The following ATXN1 variants were observed in gnomAD, a reference collection of about 807,000 sequenced individuals.
ATXN1 encodes ataxin 1.
A neutral mutation model predicts 56.4 loss-of-function variants in ATXN1; 8 were observed. That is an observed-to-expected ratio of 0.14 (90% CI 0.08 to 0.26). The LOEUF (loss-of-function observed/expected upper bound fraction) is 0.26. Ranked by LOEUF, ATXN1 falls within the 10% of genes least tolerant of loss-of-function variation. The pLI, the probability that ATXN1 is intolerant of heterozygous loss-of-function variation, is 1.00. For missense variants in ATXN1, 987 were observed against 1,106.5 expected (o/e 0.89, Z 1.53); for synonymous variants, 514 against 494.6 (o/e 1.04, Z -0.52).
intron 4 of ATXN1, among the ~76,000 whole-genome samples, chr6:16,575,303 T>C (rs1762402828): frequency 6.6e-6 from 1 of 152,244 alleles, no homozygotes; most frequent in Non-Finnish European, 1.5e-5. Flanking sequence ...TCGGTGGGAC[T>C]TTCTCGTGGC....
In ATXN1 at chr6:16,605,318, C is replaced by T. The variant is rs187879445; in HGVS notation, c.-488-19411G>A. On this transcript the variant is annotated intron_variant, in intron 3 of 7. Coordinates refer to ENST00000436367, the MANE Select transcript of ATXN1 (RefSeq NM_001128164.2). ...GAATGGACCTTGAGGAGATCCCTTA[C>T]GCCAACGCTTTCACTTCACAGATGT... Among the ~76,000 whole-genome samples, 34 of 152,284 alleles carry T rather than the reference C, an allele frequency of 2.2e-4. No homozygotes were observed. The East Asian group carries it at 6.6e-3, about 29-fold the overall frequency.
At chr6:16,426,605 G>GCA (rs1759160161) in intron 6 of ATXN1, among the ~76,000 whole-genome samples, 1 of 122,920 alleles carries the variant, frequency 8.1e-6, no homozygotes, top group African/African-American at 3.1e-5. Context: ...GTGTGTGTCT[G>GCA]TATGTGTGTG....
At chr6:16,333,473 T>C (rs1761036688) in intron 6 of ATXN1, among the ~76,000 whole-genome samples, 2 of 152,220 alleles carry the variant, frequency 1.3e-5, no homozygotes, top group Non-Finnish European at 2.9e-5. Context: ...AGCAGCCAAC[T>C]GCTCAGAATG....
In ATXN1 at chr6:16,519,462, C is replaced by T. The variant is rs191875972; in HGVS notation, c.-299+3165G>A. 2.8e-3 allele frequency among the ~76,000 whole-genome samples: 432 copies of T among 152,246 alleles called. 2 individuals carry two copies. Among genetic ancestry groups the T allele is most frequent in the African/African-American group, 9.9e-3 (412 of 41,534 alleles). Reference sequence around the variant, plus strand: ...GAAACTGCCTCTCTGGTAAGAGCTCCCAGAAGATGAGAAATGGGTATTGCA... The same window carrying T: ...GAAACTGCCTCTCTGGTAAGAGCTCTCAGAAGATGAGAAATGGGTATTGCA... On this transcript the variant is annotated intron_variant, in intron 5 of 7. Coordinates refer to ENST00000436367, the MANE Select transcript of ATXN1 (RefSeq NM_001128164.2).
chr6:16,604,646 T>C (rs1444086617), intron 3 of ATXN1, among the ~76,000 whole-genome samples: 3 of 148,846 alleles, frequency 2.0e-5, no homozygotes, highest in Non-Finnish European at 4.4e-5. Flanking sequence ...AGTGCAGTGG[T>C]ACAATCAGAG....
chr6:16,591,245 C>T (rs1381056640), intron 3 of ATXN1, among the ~76,000 whole-genome samples: 1 of 152,294 alleles, frequency 6.6e-6, no homozygotes, highest in South Asian at 2.1e-4. Context: ...GTGTGAGCCA[C>T]AGTGCCCAGC....
At chr6:16,361,928 A>C (rs1349685730) in intron 6 of ATXN1, among the ~76,000 whole-genome samples, 1 of 152,198 alleles carries the variant, frequency 6.6e-6, no homozygotes, top group Non-Finnish European at 1.5e-5. Flanking sequence ...CCATATGAAA[A>C]CATGTTGTGT....
chr6:16,687,686 A>ACACACACG (rs1490195356), intron 2 of ATXN1, among the ~76,000 whole-genome samples: 5 of 151,728 alleles, frequency 3.3e-5, no homozygotes, highest in Non-Finnish European at 5.9e-5. Context: ...ACACACACAC[A>ACACACACG]CACACACACG....
chr6:16,610,906 C>G (rs1763094404), intron 3 of ATXN1, among the ~76,000 whole-genome samples: 1 of 150,784 alleles, frequency 6.6e-6, no homozygotes, highest in Admixed American at 6.6e-5. Context: ...GGCTGTGTGC[C>G]TGTAGTCCCA....
At chr6:16,755,485 G>C (rs188888624) in intron 1 of ATXN1, among the ~76,000 whole-genome samples, 1 of 151,990 alleles carries the variant, frequency 6.6e-6, no homozygotes, top group African/African-American at 2.4e-5. Flanking sequence ...CAAGAAAGAC[G>C]GCCTAAACAA....
chr6:16,546,083 G>C (rs1761809321), intron 4 of ATXN1, among the ~76,000 whole-genome samples: 1 of 152,132 alleles, frequency 6.6e-6, no homozygotes, highest in Non-Finnish European at 1.5e-5. Context: ...AGAAATGAGT[G>C]AGCTGCACAG....
At chr6:16,580,584 T>C (rs766059130) in intron 4 of ATXN1, among the ~76,000 whole-genome samples, 1 of 152,216 alleles carries the variant, frequency 6.6e-6, no homozygotes, top group African/African-American at 2.4e-5. Context: ...ACACAGATGA[T>C]GGAATAGTCT....
Position 16,630,862 on chromosome 6 carries a change from T to C in ATXN1, c.-489+26914A>G, listed in dbSNP as rs146024353. Reference sequence around the variant, plus strand: ...AGTATTGCTATTAATAGAAATAATATTAGAGAGGTTTCATTATGTAAATGG... The same window carrying C: ...AGTATTGCTATTAATAGAAATAATACTAGAGAGGTTTCATTATGTAAATGG... On this transcript the variant is annotated intron_variant, in intron 3 of 7. Coordinates refer to ENST00000436367, the MANE Select transcript of ATXN1 (RefSeq NM_001128164.2). Among the ~76,000 whole-genome samples, 13 of 152,312 alleles carry C rather than the reference T, an allele frequency of 8.5e-5. No homozygotes were observed. In the East Asian group the frequency reaches 2.5e-3, roughly 29 times the overall value.
chr6:16,755,787 T>C (rs1042370990), intron 1 of ATXN1, among the ~76,000 whole-genome samples: 2 of 152,112 alleles, frequency 1.3e-5, no homozygotes, highest in Non-Finnish European at 2.9e-5. Flanking sequence ...CTCTGCCCTC[T>C]TGAGTCTCAA....
intron 6 of ATXN1, among the ~76,000 whole-genome samples, chr6:16,471,685 A>ATGTGTGTG (rs1321573104): frequency 4.8e-5 from 5 of 104,612 alleles, no homozygotes; most frequent in Non-Finnish European, 1.2e-4. Context: ...GTGTGCATGC[A>ATGTGTGTG]TGCGTGTGTG....
chr6:16,751,670 A>G (rs1760722842), intron 2 of ATXN1, among the ~76,000 whole-genome samples: 2 of 152,202 alleles, frequency 1.3e-5, no homozygotes, highest in Non-Finnish European at 2.9e-5. Context: ...AAAAACAAAT[A>G]AAAGGCTCCT....
intron 6 of ATXN1, among the ~76,000 whole-genome samples, chr6:16,460,046 G>A (rs1440160175): frequency 6.6e-6 from 1 of 152,058 alleles, no homozygotes; most frequent in East Asian, 1.9e-4. Flanking sequence ...AACAGTTGTG[G>A]GGGTTCCTTG....
rs1045913167 is a variant in ATXN1 at position 16,382,637 on chromosome 6, C to T, written c.-160-54167G>A. ...AAAATAGTTTATCCCATTTCCATTC[C>T]TCCATAACAATGAAGATGCTGACTT... On this transcript the variant is annotated intron_variant, in intron 6 of 7. Coordinates refer to ENST00000436367, the MANE Select transcript of ATXN1 (RefSeq NM_001128164.2). 4.6e-5 allele frequency among the ~76,000 whole-genome samples: 7 copies of T among 151,906 alleles called. 1 individual carries two copies. The highest frequency in any genetic ancestry group is 3.9e-4 in the Admixed American group (6 of 15,248).
chr6:16,675,630 C>T (rs1465634164), intron 2 of ATXN1, among the ~76,000 whole-genome samples: 2 of 152,214 alleles, frequency 1.3e-5, no homozygotes, highest in Admixed American at 1.3e-4. Flanking sequence ...CCTGTAATCC[C>T]AGCACTTTGG....
Sources: allele counts gnomAD v4.1 joint callset (sites outside exome capture counted in the v4.1 genomes callset), GRCh38; gene constraint gnomAD v4.1.1; transcripts MANE v1.5; gene names NCBI Gene and HGNC (gene_info 2026-07-23, HGNC 2026-07-21).